The following SVOPL variants were observed in gnomAD, a reference collection of about 807,000 sequenced individuals.
SVOPL encodes SVOP like.
Under a neutral mutation model 61.0 loss-of-function variants are expected in SVOPL, and 60 were observed. That is an observed-to-expected ratio of 0.98 (90% CI 0.80 to 1.22). The LOEUF (loss-of-function observed/expected upper bound fraction) is 1.22. Ranked by LOEUF, SVOPL falls within the 50% of genes most tolerant of loss-of-function variation. The probability of loss-of-function intolerance (pLI) is 0.00; values close to 1 mark genes in which losing one functional copy is unlikely to be tolerated. For missense variants in SVOPL, 662 were observed against 643.9 expected (o/e 1.03, Z -0.30); for synonymous variants, 279 against 250.0 (o/e 1.12, Z -1.09).
intron 1 of SVOPL, among the ~76,000 whole-genome samples, chr7:138,684,644 C>T (rs539634999): frequency 2.0e-5 from 3 of 152,156 alleles, no homozygotes; most frequent in Non-Finnish European, 2.9e-5. Flanking sequence ...GAAAAAGGAA[C>T]CCTTGTACAC....
chr7:138,616,320 G>C (rs1017053335), intron 14 of SVOPL, among the ~76,000 whole-genome samples: 4 of 147,214 alleles, frequency 2.7e-5, no homozygotes, highest in African/African-American at 1.0e-4. Flanking sequence ...TCCCTTCTGT[G>C]TTTCAGTGAA....
intron 1 of SVOPL, among the ~76,000 whole-genome samples, chr7:138,685,845 C>A (rs1237021360): frequency 6.6e-6 from 1 of 151,310 alleles, no homozygotes; most frequent in Non-Finnish European, 1.5e-5. Flanking sequence ...GCCCTCCAGC[C>A]TGGGCAACAG....
At chr7:138,678,301 T>C (rs1432554629) in intron 3 of SVOPL, 133 bp downstream of exon 3, 6 of 832,242 alleles carry the variant, frequency 7.2e-6, no homozygotes, top group Non-Finnish European at 1.1e-5. Context: ...CCATCCACCT[T>C]GGGCACACGT....
At position 138,687,015 on chromosome 7, in the gene SVOPL, A is replaced by C. The variant is rs893077327; in HGVS notation, c.-34-7936T>G. Among the ~76,000 whole-genome samples the C allele has an allele frequency of 6.6e-5, 10 of 152,294 alleles. No homozygotes were observed. In the East Asian group the frequency reaches 1.7e-3, roughly 26 times the overall value. ...AATAATGCTCAGAGATAATCCATGA[A>C]ATTCTCCCTCTCAAGAGCGAACATA... On this transcript the variant is annotated intron_variant, in intron 1 of 15. Coordinates refer to ENST00000674285, the MANE Select transcript of SVOPL (RefSeq NM_001139456.2).
At chr7:138,649,646 A>T (rs891770913) in intron 7 of SVOPL, among the ~76,000 whole-genome samples, 5 of 152,062 alleles carry the variant, frequency 3.3e-5, no homozygotes, top group Non-Finnish European at 7.4e-5. Flanking sequence ...CAAAAACAAG[A>T]CTATTTCAGA....
At chr7:138,671,818 T>C (rs1802424687) in intron 4 of SVOPL, among the ~76,000 whole-genome samples, 1 of 152,186 alleles carries the variant, frequency 6.6e-6, no homozygotes, top group Admixed American at 6.5e-5. Flanking sequence ...GCATCTCTCA[T>C]GTGGATAGTA....
At chr7:138,621,870 CTATCTATCTATCTAT>C (rs1799594791) in intron 13 of SVOPL, among the ~76,000 whole-genome samples, 1 of 22,946 alleles carries the variant, frequency 4.4e-5, no homozygotes. Context: ...ATCTATCTAT[CTATCTATCTATCTAT>C]CTATCTATCT....
intron 1 of SVOPL, 143 bp from the exon 2 acceptor site, chr7:138,679,222 C>G: frequency 1.7e-6 from 1 of 575,180 alleles, no homozygotes; most frequent in Non-Finnish European, 3.0e-6. Context: ...CTTTTCACAC[C>G]GGGCCTCTGG....
At chr7:138,619,277 G>A (rs1355050112) in intron 14 of SVOPL, among the ~76,000 whole-genome samples, 3 of 152,000 alleles carry the variant, frequency 2.0e-5, no homozygotes, top group Non-Finnish European at 4.4e-5. Flanking sequence ...GCATGGTGGT[G>A]CATGCCTGTA....
Position 138,628,150 on chromosome 7 carries a change from A to T in SVOPL, c.1069+8T>A, listed in dbSNP as rs533795263. ...ACAGAGAGACCCAACACGCAGAGGGACACTTACAAGCAATTTCACCGATGG... is the reference window on the plus strand; with the variant it reads ...ACAGAGAGACCCAACACGCAGAGGGTCACTTACAAGCAATTTCACCGATGG... On this transcript the variant is annotated splice_region_variant and intron_variant, in intron 11 of 15. Coordinates refer to ENST00000674285, the MANE Select transcript of SVOPL (RefSeq NM_001139456.2). 1.2e-6 allele frequency: 2 copies of T among 1,614,020 alleles called. No homozygotes were observed. The highest frequency in any genetic ancestry group is 1.1e-5 in the South Asian group (1 of 91,076).
intron 15 of SVOPL, among the ~76,000 whole-genome samples, chr7:138,595,305 C>G (rs1798234795): frequency 1.3e-5 from 2 of 152,146 alleles, no homozygotes; most frequent in African/African-American, 4.8e-5. Context: ...TAACCACTCA[C>G]AACACTGAAG....
At chr7:138,688,700 A>C (rs1184545973) in intron 1 of SVOPL, among the ~76,000 whole-genome samples, 1 of 152,220 alleles carries the variant, frequency 6.6e-6, no homozygotes, top group Non-Finnish European at 1.5e-5. Context: ...GTGGGAATTT[A>C]GAATCATGTA....
intron 1 of SVOPL, among the ~76,000 whole-genome samples, chr7:138,687,228 CT>C (rs71179722): frequency 0.065 from 5,023 of 77,366 alleles, 85 homozygotes; most frequent in East Asian, 0.15. Flanking sequence ...CTTTTTTCCT[CT>C]TTTTTTTTTT....
intron 9 of SVOPL, among the ~76,000 whole-genome samples, chr7:138,643,868 C>A (rs1201982163): frequency 6.6e-6 from 1 of 151,992 alleles, no homozygotes; most frequent in Non-Finnish European, 1.5e-5. Flanking sequence ...TACTTAATAT[C>A]ACTGAACTGT....
At chr7:138,667,970 C>G (rs113778505) in intron 4 of SVOPL, among the ~76,000 whole-genome samples, 6 of 152,192 alleles carry the variant, frequency 3.9e-5, no homozygotes, top group African/African-American at 1.4e-4. Context: ...AAATTAGCCA[C>G]AAGATTAGAA....
intron 11 of SVOPL, among the ~76,000 whole-genome samples, chr7:138,627,709 G>A (rs952573588): frequency 5.3e-5 from 8 of 152,166 alleles, no homozygotes; most frequent in African/African-American, 1.9e-4. Context: ...CAGGTCTATT[G>A]TAGATTGCCA....
At chr7:138,643,116 A>G (rs1294795029) in intron 9 of SVOPL, among the ~76,000 whole-genome samples, 1 of 152,068 alleles carries the variant, frequency 6.6e-6, no homozygotes, top group Non-Finnish European at 1.5e-5. Flanking sequence ...ATCTGGGTAT[A>G]TATCCAGAAG....
At chr7:138,620,146 A>T (rs1337428173) in intron 14 of SVOPL, among the ~76,000 whole-genome samples, 1 of 98,310 alleles carries the variant, frequency 1.0e-5, no homozygotes, top group Non-Finnish European at 1.9e-5. Flanking sequence ...TTTTTGAGAT[A>T]GAGTCTCACT....
chr7:138,678,911 G>A, intron 2 of SVOPL, 53 bp downstream of exon 2: 1 of 1,514,234 alleles, frequency 6.6e-7, no homozygotes, highest in Non-Finnish European at 8.9e-7. Flanking sequence ...CCTTAAAAAG[G>A]ATTCTTAACT....
Sources: allele counts gnomAD v4.1 joint callset (sites outside exome capture counted in the v4.1 genomes callset), GRCh38; gene constraint gnomAD v4.1.1; transcripts MANE v1.5; gene names NCBI Gene and HGNC (gene_info 2026-07-23, HGNC 2026-07-21).